SUPV3L1: variants seen among roughly 807,000 people sequenced by gnomAD.
SUPV3L1 encodes ATP-dependent RNA helicase SUPV3L1, mitochondrial.
Under a neutral mutation model 70.0 loss-of-function variants are expected in SUPV3L1, and 35 were observed. That is an observed-to-expected ratio of 0.50 (90% CI 0.38 to 0.66). The LOEUF (loss-of-function observed/expected upper bound fraction) is 0.66. Ranked by LOEUF, SUPV3L1 falls within the 30% of genes least tolerant of loss-of-function variation. The probability of loss-of-function intolerance (pLI) is 0.00; values close to 1 mark genes in which losing one functional copy is unlikely to be tolerated. For missense variants in SUPV3L1, 777 were observed against 961.5 expected, an observed-to-expected ratio of 0.81 and a Z score of 2.54; for synonymous variants, 364 against 341.9, an observed-to-expected ratio of 1.06 and a Z score of -0.71.
chr10:69,186,325 CAAAAAAAAAAAAAAA>C (rs34197871), intron 2 of SUPV3L1, 103 bp from the exon 3 acceptor site: 2 of 400,328 alleles, frequency 5.0e-6, no homozygotes, highest in East Asian at 5.4e-5. Flanking sequence ...GCTGTACTGC[CAAAAAAAAAAAAAAA>C]AAAAGAAAAA....
At chr10:69,200,953 T>C (rs1842666544) in intron 11 of SUPV3L1, among the ~76,000 whole-genome samples, 1 of 152,232 alleles carries the variant, frequency 6.6e-6, no homozygotes, top group Non-Finnish European at 1.5e-5. Context: ...TAATATTAGT[T>C]AATGAGTTAG....
chr10:69,200,404 A>G lies in SUPV3L1; in HGVS notation c.1423A>G (p.Ser475Gly), dbSNP rs368918225. The G allele has an allele frequency of 1.4e-5, 23 of 1,614,210 alleles. No homozygotes were observed. In the East Asian group the frequency reaches 2.5e-4, roughly 17 times the overall value. ...GATTGCTGGCAGAGCTGGCAGATTC[A>G]GCTCACGGTTTAAAGAAGGAGAGGT... ...LQIAGRAGRF[S>G]SRFKEGEVTT... Residue 475 changes from serine (S) to glycine (G), a missense_variant, in exon 11 of 15, where the codon AGC becomes GGC. Coordinates refer to ENST00000359655, the MANE Select transcript of SUPV3L1 (RefSeq NM_003171.5).
intron 13 of SUPV3L1, among the ~76,000 whole-genome samples, chr10:69,207,108 C>T (rs1198080692): frequency 1.3e-5 from 2 of 152,174 alleles, no homozygotes; most frequent in East Asian, 3.9e-4. Context: ...TAGGAGTCTT[C>T]AGGTACTGTC....
At position 69,199,210 on chromosome 10, in the gene SUPV3L1, T is replaced by A. The variant is rs2132295209; in HGVS notation, c.1298+13T>A. 6.3e-7 allele frequency: 1 copy of A among 1,593,148 alleles called. No individual in the cohort carries two copies. Among genetic ancestry groups the A allele is most frequent in the Admixed American group, 1.8e-5 (1 of 56,928 alleles). On this transcript the variant is annotated intron_variant, in intron 10 of 14. Transcript: ENST00000359655. The stretch of plus-strand genomic sequence containing the variant: ...TGGGACTTAATTTGTAAGTAATTTG[T>A]TTTTAATAAGATGAATATTTGGTGA...
intron 11 of SUPV3L1, among the ~76,000 whole-genome samples, chr10:69,201,176 G>A (rs1428680815): frequency 1.3e-5 from 2 of 152,152 alleles, no homozygotes; most frequent in African/African-American, 2.4e-5. Context: ...AGTTAGGTTC[G>A]TGGTTGGCTC....
intron 13 of SUPV3L1, among the ~76,000 whole-genome samples, chr10:69,204,895 T>C (rs979505088): frequency 6.6e-6 from 1 of 152,038 alleles, no homozygotes; most frequent in African/African-American, 2.4e-5. Context: ...TGCCTCAGCC[T>C]CCTGAGTATC....
At position 69,208,791 on chromosome 10, in the gene SUPV3L1, A is replaced by G. The variant is rs370657076; in HGVS notation, c.2117A>G (p.Gln706Arg). The change falls in exon 15 of 15, where the codon CAA becomes CGA. Residue 706 changes from glutamine to arginine, a missense_variant. Gln to Arg is a conservative substitution (Grantham distance 43). Transcript: ENST00000359655. ...CGATTGTCAGGAACCTTAAAGAGCC[A>G]AGCTAGAAGGACACGCGGCACCAAA... is the stretch of plus-strand genomic sequence containing the variant. ...QSRLSGTLKS[Q>R]ARRTRGTKAL... 214 of 1,614,092 alleles carry G rather than the reference A, an allele frequency of 1.3e-4. No homozygotes were observed. The highest frequency in any genetic ancestry group is 1.7e-4 in the Non-Finnish European group (206 of 1,180,052).
chr10:69,190,178 C>T (rs1483094134), intron 5 of SUPV3L1, among the ~76,000 whole-genome samples: 1 of 152,200 alleles, frequency 6.6e-6, no homozygotes, highest in East Asian at 1.9e-4. Flanking sequence ...ACTCTCAAAA[C>T]TCTGTAGTCC....
intron 9 of SUPV3L1, 51 bp from the exon 10 acceptor site, chr10:69,199,053 T>C (rs1384787130): frequency 7.2e-7 from 1 of 1,398,374 alleles, no homozygotes; most frequent in African/African-American, 1.4e-5. Context: ...CTTAGCTTGA[T>C]GTAATAAAAG....
At chr10:69,197,174 C>A (rs567315518) in intron 8 of SUPV3L1, 91 bp downstream of exon 8, 2 of 979,458 alleles carry the variant, frequency 2.0e-6, no homozygotes, top group South Asian at 1.4e-5. Context: ...ATAATGCCAG[C>A]GTCAGAACTT....
intron 13 of SUPV3L1, among the ~76,000 whole-genome samples, chr10:69,203,673 A>C (rs868616073): frequency 7.3e-5 from 11 of 151,310 alleles, no homozygotes; most frequent in African/African-American, 1.5e-4. Context: ...CAAAAAAAAA[A>C]AAAACAAAAC....
intron 13 of SUPV3L1, among the ~76,000 whole-genome samples, chr10:69,204,941 T>C (rs974682674): frequency 6.6e-6 from 1 of 152,020 alleles, no homozygotes; most frequent in Non-Finnish European, 1.5e-5. Context: ...TGGCTAATTT[T>C]TGTATATTTT....
intron 1 of SUPV3L1, among the ~76,000 whole-genome samples, chr10:69,185,140 T>C (rs1315775783): frequency 2.6e-5 from 4 of 152,210 alleles, no homozygotes; most frequent in African/African-American, 9.6e-5. Context: ...CACTTTTCAC[T>C]GTTCTAATTG....
intron 9 of SUPV3L1, 148 bp from the exon 10 acceptor site, chr10:69,198,956 T>C: frequency 3.2e-6 from 2 of 625,416 alleles, no homozygotes; most frequent in Non-Finnish European, 2.7e-6. Flanking sequence ...AGTGGCTCTT[T>C]GAGGATATAA....
At chr10:69,180,898 A>AC (rs1260343154) in intron 1 of SUPV3L1, among the ~76,000 whole-genome samples, 1 of 151,340 alleles carries the variant, frequency 6.6e-6, no homozygotes, top group Non-Finnish European at 1.5e-5. Flanking sequence ...TTTCTCTCCC[A>AC]CCCCCGAATG....
chr10:69,198,550 C>A lies in SUPV3L1; in HGVS notation c.1202C>A (p.Pro401His). 6.2e-7 allele frequency: 1 copy of A among 1,612,246 alleles called. No individual in the cohort carries two copies. Among genetic ancestry groups the A allele is most frequent in the South Asian group, 1.1e-5 (1 of 90,552 alleles). ...GCTGTTATATATGGCAGTCTCCCAC[C>A]TGGTAATTATTGACTTTCCTCGTGA... ...ESAVIYGSLP[P>H]GTKLAQAKKF... is the part of the protein sequence containing the mutation. The change falls in exon 9 of 15, where the codon CCT becomes CAT. Residue 401 changes from proline to histidine, a missense_variant and splice_region_variant. By Grantham distance (77) the Pro-to-His change is moderately conservative. Around this residue, in one of 2 missense-constraint regions of SUPV3L1, gnomAD observed 619 missense variants for 823.3 expected, o/e 0.75. Coordinates refer to ENST00000359655, the MANE Select transcript of SUPV3L1 (RefSeq NM_003171.5).
chr10:69,193,776 G>T (rs1842464362), intron 6 of SUPV3L1, among the ~76,000 whole-genome samples: 1 of 152,272 alleles, frequency 6.6e-6, no homozygotes. Flanking sequence ...TTTCCTAAGT[G>T]TCATTGTATT....
At chr10:69,203,556 C>T (rs7906645) in intron 13 of SUPV3L1, among the ~76,000 whole-genome samples, 1 of 149,566 alleles carries the variant, frequency 6.7e-6, no homozygotes, top group African/African-American at 2.5e-5. Context: ...CCCAGCTACT[C>T]GGGAGGCTGA....
In SUPV3L1 at chr10:69,180,343, G is replaced by T. The variant is rs767113020; in HGVS notation, c.52G>T (p.Ala18Ser). Residue 18 changes from alanine to serine, a missense_variant, in exon 1 of 15, where the codon GCT becomes TCT. Transcript: ENST00000359655. ...LWARLPAGRQAGHRAAICSAL... is the reference protein window; with the variant it reads ...LWARLPAGRQSGHRAAICSAL... ...GGCTCGGCTCCCGGCGGGGCGCCAG[G>T]CTGGCCACCGGGCAGCCATCTGCTC... 6.2e-7 allele frequency: 1 copy of T among 1,614,088 alleles called. No homozygotes were observed. The highest frequency in any genetic ancestry group is 1.1e-5 in the South Asian group (1 of 91,084).
Sources: gnomAD v4.1 joint callset for allele counts (sites outside exome capture counted in the v4.1 genomes callset) on GRCh38, gnomAD v4.1.1 for gene constraint, gnomAD v4.1.1 regional missense constraint, MANE v1.5 for transcripts, NCBI Gene and HGNC (gene_info 2026-07-23, HGNC 2026-07-21) for gene names.